Variants in PLA2G15 observed in about 807,000 individuals in gnomAD.
PLA2G15 encodes the protein phospholipase A2 group XV.
In PLA2G15, 20 loss-of-function variants were observed where a neutral mutation model predicts 40.9. The ratio of observed to expected loss-of-function variants is 0.49; its 90% CI spans 0.34 to 0.71. The LOEUF (loss-of-function observed/expected upper bound fraction) is 0.71, where lower values mean the gene tolerates loss of function less well. Ranked by LOEUF, PLA2G15 falls within the 30% of genes least tolerant of loss-of-function variation. PLA2G15 has a pLI of 0.01. For synonymous variants in PLA2G15, 223 were observed against 228.2 expected, an observed-to-expected ratio of 0.98 and a Z score of 0.21; for missense variants, 471 against 541.9, an observed-to-expected ratio of 0.87 and a Z score of 1.30.
In PLA2G15 at chr16:68,255,798, G is replaced by A. The variant is rs1393187950; in HGVS notation, c.535G>A (p.Glu179Lys). ...ENGPYFLALR[E>K]MIEEMYQLYG... Reference sequence around the variant, plus strand: ...CGGGCCCTACTTCCTGGCCCTCCGCGAGATGATCGAGGAGATGTACCAGCT... The same window carrying A: ...CGGGCCCTACTTCCTGGCCCTCCGCAAGATGATCGAGGAGATGTACCAGCT... Residue 179 changes from glutamate to lysine, a missense_variant, in exon 5 of 6, where the codon GAG becomes AAG. Physicochemically the swap from Glu to Lys is moderately conservative, Grantham distance 56. Transcript: ENST00000219345. This position sits in a 1 kb window ranked among gnomAD's most constrained non-coding sequence, Gnocchi z 5.9. 12 of 1,614,026 alleles carry A rather than the reference G, an allele frequency of 7.4e-6. No individual in the cohort carries two copies. The highest frequency in any genetic ancestry group is 3.3e-5 in the South Asian group (3 of 91,086).
intron 2 of PLA2G15, 127 bp downstream of exon 2, chr16:68,249,573 G>A (rs1193667961): frequency 3.8e-6 from 3 of 792,796 alleles, no homozygotes; most frequent in Non-Finnish European, 6.1e-6. Context: ...CCTCGGTCTG[G>A]TCTGGTCTGG....
intron 2 of PLA2G15, chr16:68,254,313 T>TTATG (rs1160567747): frequency 1.6e-5 from 2 of 124,404 alleles, no homozygotes; most frequent in African/African-American, 5.9e-5. Context: ...CTTTTTATTT[T>TTATG]TATTTATTTA....
At chr16:68,256,133 C>A in intron 5 of PLA2G15, 143 bp downstream of exon 5, 1 of 581,468 alleles carries the variant, frequency 1.7e-6, no homozygotes. Flanking sequence ...CCTAAAAGTC[C>A]AAAGAAGAAA....
At chr16:68,250,989 G>A (rs1017405922) in intron 2 of PLA2G15, among the ~76,000 whole-genome samples, 4 of 152,088 alleles carry the variant, frequency 2.6e-5, no homozygotes, top group Admixed American at 1.3e-4. Context: ...TCATGTGCCC[G>A]AATTTGTCTG....
At chr16:68,253,446 G>A (rs544020543) in intron 2 of PLA2G15, 6 of 437,138 alleles carry the variant, frequency 1.4e-5, no homozygotes, top group South Asian at 3.3e-5. Context: ...GCGCAATCTC[G>A]GCTCACTACA....
At position 68,250,002 on chromosome 16, in the gene PLA2G15, C is replaced by T. The variant is rs118168021; in HGVS notation, c.284+556C>T. Reference sequence around the variant, plus strand: ...CCTACACAAAATTTCTGTGTCCCAGCCCCTATTCAGAGCCTCGGCATGGCC... The same window carrying T: ...CCTACACAAAATTTCTGTGTCCCAGTCCCTATTCAGAGCCTCGGCATGGCC... On this transcript the variant is annotated intron_variant, in intron 2 of 5. Transcript: ENST00000219345. 4.0e-4 allele frequency among the ~76,000 whole-genome samples: 61 copies of T among 152,022 alleles called. 1 individual carries two copies. The East Asian group carries it at 0.011, about 28-fold the overall frequency.
Position 68,255,728 on chromosome 16 carries a change from C to A in PLA2G15, c.503-38C>A. 1 of 1,557,196 alleles carries A rather than the reference C, an allele frequency of 6.4e-7. No homozygotes were observed. Among genetic ancestry groups the A allele is most frequent in the Non-Finnish European group, 8.9e-7 (1 of 1,128,328 alleles). ...AAGCTCAGTGGTTCCGGCTCCAGGA[C>A]CCTTCCCACCTGACCCCTGCCTGGC... is the stretch of plus-strand genomic sequence containing the variant. On this transcript the variant is annotated intron_variant, in intron 4 of 5. Coordinates refer to ENST00000219345, the MANE Select transcript of PLA2G15 (RefSeq NM_012320.4). This position sits in a 1 kb window ranked among gnomAD's most constrained non-coding sequence, Gnocchi z 5.9.
At chr16:68,248,952 C>T (rs2042332302) in intron 1 of PLA2G15, among the ~76,000 whole-genome samples, 1 of 152,194 alleles carries the variant, frequency 6.6e-6, no homozygotes, top group African/African-American at 2.4e-5. Context: ...GAGGATGTTC[C>T]AGTGAAAATC....
intron 2 of PLA2G15, among the ~76,000 whole-genome samples, chr16:68,249,877 A>G (rs1007754811): frequency 6.6e-6 from 1 of 151,808 alleles, no homozygotes; most frequent in Non-Finnish European, 1.5e-5. Flanking sequence ...ATGGTGTTTC[A>G]CCATGTTGGC....
chr16:68,259,068 C>T lies in PLA2G15; in HGVS notation c.728-78C>T. On this transcript the variant is annotated intron_variant, in intron 5 of 5. Coordinates refer to ENST00000219345, the MANE Select transcript of PLA2G15 (RefSeq NM_012320.4). This position sits in a 1 kb window ranked among gnomAD's most constrained non-coding sequence, Gnocchi z 6.5. ...GACTGGGCCCCTGGCTGGGGTCTGG[C>T]AGGGGCCTGGTGGTGAACATGCTGC... 1 of 1,300,928 alleles carries T rather than the reference C, an allele frequency of 7.7e-7. No individual in the cohort carries two copies. Among genetic ancestry groups the T allele is most frequent in the Non-Finnish European group, 1.1e-6 (1 of 935,940 alleles). The allele number at this position is 1,300,928 out of a possible 1,614,324, so 80.6% of individuals were successfully genotyped here. A position where few individuals can be genotyped will look rare whatever the true frequency, so the allele number is the denominator to read the frequency against.
intron 2 of PLA2G15, among the ~76,000 whole-genome samples, chr16:68,252,865 C>G (rs1401405845): frequency 6.6e-6 from 1 of 151,932 alleles, no homozygotes; most frequent in Non-Finnish European, 1.5e-5. Context: ...CCTAGCTGTT[C>G]AGGAGGGTGA....
rs1336906189 is a variant in PLA2G15, at chr16:68,255,965, C to T, written c.702C>T (p.Ala234=). 5 of 1,608,522 alleles carry T rather than the reference C, an allele frequency of 3.1e-6. No homozygotes were observed. The highest frequency in any genetic ancestry group is 1.1e-5 in the South Asian group (1 of 90,838). ...VSLGAPWGGV[A]KTLRVLASGD... is the part of the protein sequence containing the mutation. ...TGGGTGCGCCCTGGGGGGGCGTGGC[C>T]AAGACCCTGCGCGTCCTGGCTTCAG... is the stretch of plus-strand genomic sequence containing the variant. Residue 234 remains alanine (A), a synonymous_variant, in exon 5 of 6, where the codon GCC becomes GCT. Transcript: ENST00000219345. This position sits in a 1 kb window ranked among gnomAD's most constrained non-coding sequence, Gnocchi z 5.9.
Position 68,249,411 on chromosome 16 carries a change from G to C in PLA2G15, c.249G>C (p.Leu83=), listed in dbSNP as rs375311976. Residue 83 remains leucine (L), a synonymous_variant, in exon 2 of 6, where the codon CTG becomes CTC. Coordinates refer to ENST00000219345, the MANE Select transcript of PLA2G15 (RefSeq NM_012320.4). The part of the protein sequence containing the change: ...FTIWLNLELL[L]PVIIDCWIDN... Reference sequence around the variant, plus strand: ...TCTGGCTGAACCTGGAACTGCTGCTGCCTGTCATCATTGACTGCTGGATTG... The same window carrying C: ...TCTGGCTGAACCTGGAACTGCTGCTCCCTGTCATCATTGACTGCTGGATTG... 1 of 1,614,154 alleles carries C rather than the reference G, an allele frequency of 6.2e-7. No individual in the cohort carries two copies. Among genetic ancestry groups the C allele is most frequent in the Non-Finnish European group, 8.5e-7 (1 of 1,180,014 alleles).
At chr16:68,257,815 C>T (rs1305297667) in intron 5 of PLA2G15, among the ~76,000 whole-genome samples, 3 of 152,156 alleles carry the variant, frequency 2.0e-5, no homozygotes, top group African/African-American at 7.2e-5. Flanking sequence ...GACAGGTAGC[C>T]CCGGCCCCTT....
rs764201455 is a variant in PLA2G15 at position 68,245,565 on chromosome 16, G to A, written c.127+12G>A. The A allele has an allele frequency of 3.8e-6, 6 of 1,566,124 alleles. No homozygotes were observed. The South Asian group carries it at 5.8e-5, about 15-fold the overall frequency. On this transcript the variant is annotated intron_variant, in intron 1 of 5. Transcript: ENST00000219345. Reference sequence around the variant, plus strand: ...CCCAGTGGTGCTGGGTGAGGCACGGGTCTCGTGGTGGATCTGTCGGTCGGG... The same window carrying A: ...CCCAGTGGTGCTGGGTGAGGCACGGATCTCGTGGTGGATCTGTCGGTCGGG...
At chr16:68,245,584 G>C (rs899109999) in intron 1 of PLA2G15, 31 bp downstream of exon 1, 19 of 1,552,850 alleles carry the variant, frequency 1.2e-5, no homozygotes, top group African/African-American at 2.7e-5. Context: ...TGGATCTGTC[G>C]GTCGGGCGGG....
chr16:68,252,875 A>C (rs2042366959), intron 2 of PLA2G15, among the ~76,000 whole-genome samples: 1 of 152,178 alleles, frequency 6.6e-6, no homozygotes, highest in Admixed American at 6.5e-5. Context: ...CAGGAGGGTG[A>C]GGTAAGAGGA....
At position 68,255,147 on chromosome 16, in the gene PLA2G15, T is replaced by A. The variant is rs1406091222; in HGVS notation, c.403+110T>A. 15 of 986,904 alleles carry A rather than the reference T, an allele frequency of 1.5e-5. No homozygotes were observed. The highest frequency in any genetic ancestry group is 2.3e-5 in the Non-Finnish European group (14 of 618,664). 61.1% of individuals were successfully genotyped at this position (986,904 alleles called of 1,614,324 possible). On this transcript the variant is annotated intron_variant, in intron 3 of 5. Transcript: ENST00000219345. This position sits in a 1 kb window ranked among gnomAD's most constrained non-coding sequence, Gnocchi z 5.9. ...TTGTAGGGACAGCCTGTGAGCTGTC[T>A]CTGATCAGCGTGGGCACAGAGCCCT...
chr16:68,256,197 T>A (rs2042400661), intron 5 of PLA2G15: 7 of 523,436 alleles, frequency 1.3e-5, no homozygotes, highest in Non-Finnish European at 2.0e-5. Context: ...GACATACGAA[T>A]AGAAGCCACA....
Sources: gnomAD v4.1 joint callset for allele counts (sites outside exome capture counted in the v4.1 genomes callset) on GRCh38, gnomAD v4.1.1 for gene constraint, Gnocchi (gnomAD v3.1) non-coding constraint, MANE v1.5 for transcripts, NCBI Gene and HGNC (gene_info 2026-07-23, HGNC 2026-07-21) for gene names.